The following NAV2 variants were observed in gnomAD, a reference collection of about 807,000 sequenced individuals.
NAV2 encodes helicase, APC down-regulated 1.
NAV2 carries 54 observed loss-of-function variants against 223.2 expected under a neutral mutation model. The observed-to-expected ratio is 0.24, with a 90% CI of 0.19 to 0.30. The LOEUF is 0.30. NAV2 is among the 10% of genes least tolerant of loss of function. NAV2 has a pLI of 1.00. For missense variants in NAV2, 2,806 were observed against 3,147.5 expected, an observed-to-expected ratio of 0.89 and a Z score of 2.60; for synonymous variants, 1,279 against 1,239.3, an observed-to-expected ratio of 1.03 and a Z score of -0.67.
At chr11:19,931,734 C>T (rs2045364717) in intron 6 of NAV2, 1 of 152,212 alleles carries the variant, frequency 6.6e-6, no homozygotes, top group Non-Finnish European at 1.5e-5. Flanking sequence ...AGGGCAGCCT[C>T]TCCGGTTGGA....
intron 3 of NAV2, among the ~76,000 whole-genome samples, chr11:19,859,692 G>A (rs1192102781): frequency 6.6e-6 from 1 of 151,930 alleles, no homozygotes; most frequent in Non-Finnish European, 1.5e-5. Context: ...GGGCAGAGGG[G>A]CTCCTCACTT....
chr11:19,914,338 C>T (rs940675070), intron 6 of NAV2, among the ~76,000 whole-genome samples: 3 of 152,112 alleles, frequency 2.0e-5, no homozygotes, highest in Admixed American at 6.5e-5. Flanking sequence ...GTCTGTTCTG[C>T]CGAAATACTT....
chr11:19,438,636 C>A (rs1851293278), intron 1 of NAV2, among the ~76,000 whole-genome samples: 1 of 152,198 alleles, frequency 6.6e-6, no homozygotes, highest in Admixed American at 6.5e-5. Flanking sequence ...ATTTTCCACA[C>A]CTCCTTCCTT....
At chr11:19,675,798 T>G (rs985528851) in intron 1 of NAV2, among the ~76,000 whole-genome samples, 1 of 152,212 alleles carries the variant, frequency 6.6e-6, no homozygotes, top group Non-Finnish European at 1.5e-5. Context: ...TCGAAACTAA[T>G]TGATATTTGT....
rs115285055 is a variant in NAV2, at chr11:19,694,305, T to C, written c.76-138179T>C. Among the ~76,000 whole-genome samples the C allele has an allele frequency of 1.7e-3, 258 of 152,274 alleles. 1 individual carries two copies. Among genetic ancestry groups the C allele is most frequent in the African/African-American group, 6.1e-3 (253 of 41,560 alleles). On this transcript the variant is annotated intron_variant, in intron 1 of 37. Transcript: ENST00000360655. ...ACTGCAAGGCAAATGAGCTGGGTTT[T>C]CATATACCCACAGGCTGCCCAGGGA...
At chr11:20,082,176 T>C (rs1036273729) in intron 25 of NAV2, among the ~76,000 whole-genome samples, 1 of 152,200 alleles carries the variant, frequency 6.6e-6, no homozygotes, top group Admixed American at 6.5e-5. Context: ...TAAGGAGCTA[T>C]ACAGCCATCC....
intron 1 of NAV2, among the ~76,000 whole-genome samples, chr11:19,657,314 G>T (rs1427624021): frequency 2.0e-5 from 3 of 152,130 alleles, no homozygotes; most frequent in Non-Finnish European, 4.4e-5. Context: ...TACACGTTTT[G>T]CTAGTTTGTA....
At chr11:19,624,345 G>T (rs1181595812) in intron 1 of NAV2, among the ~76,000 whole-genome samples, 1 of 152,124 alleles carries the variant, frequency 6.6e-6, no homozygotes, top group Non-Finnish European at 1.5e-5. Context: ...CTTTTTTTCA[G>T]CTATGCCCTG....
chr11:19,570,511 A>C (rs1196725811), intron 1 of NAV2, among the ~76,000 whole-genome samples: 2 of 152,244 alleles, frequency 1.3e-5, no homozygotes, highest in Non-Finnish European at 2.9e-5. Flanking sequence ...TCAGACTTGG[A>C]GAAAATATTT....
At chr11:19,801,217 C>T (rs904726812) in intron 1 of NAV2, among the ~76,000 whole-genome samples, 8 of 152,238 alleles carry the variant, frequency 5.3e-5, no homozygotes, top group African/African-American at 1.7e-4. Flanking sequence ...AGTTTGGCAA[C>T]AGCAGGACCC....
chr11:20,069,387 A>G (rs2059255433), intron 22 of NAV2, among the ~76,000 whole-genome samples: 8 of 152,170 alleles, frequency 5.3e-5, no homozygotes, highest in Admixed American at 5.2e-4. Context: ...GGGTCAGATC[A>G]CAGTGTCTGA....
chr11:19,906,174 A>G (rs890806311), intron 6 of NAV2, among the ~76,000 whole-genome samples: 4 of 152,140 alleles, frequency 2.6e-5, no homozygotes, highest in African/African-American at 9.7e-5. Context: ...AGAATTCTCT[A>G]CATGGTCTTT....
At chr11:19,890,307 T>C (rs1446707854) in intron 5 of NAV2, among the ~76,000 whole-genome samples, 1 of 152,176 alleles carries the variant, frequency 6.6e-6, no homozygotes, top group Non-Finnish European at 1.5e-5. Flanking sequence ...CTACCTGATT[T>C]AAGGTTGTGT....
intron 1 of NAV2, among the ~76,000 whole-genome samples, chr11:19,363,972 T>G (rs536746737): frequency 5.9e-5 from 9 of 152,336 alleles, no homozygotes; most frequent in Admixed American, 2.0e-4. Context: ...TTCTTCAACC[T>G]GGAAGCTCTC....
intron 1 of NAV2, among the ~76,000 whole-genome samples, chr11:19,430,130 C>G (rs1270924736): frequency 1.3e-5 from 2 of 152,206 alleles, no homozygotes; most frequent in African/African-American, 2.4e-5. Context: ...TTCTTACCCA[C>G]CTGTCCCCTT....
At chr11:19,813,582 G>A (rs1156805458) in intron 1 of NAV2, among the ~76,000 whole-genome samples, 3 of 152,180 alleles carry the variant, frequency 2.0e-5, no homozygotes, top group East Asian at 3.9e-4. Flanking sequence ...CCAGAGGGCC[G>A]CCCAGTGGGT....
chr11:19,456,040 C>G (rs1271517379), intron 1 of NAV2, among the ~76,000 whole-genome samples: 1 of 152,198 alleles, frequency 6.6e-6, no homozygotes, highest in Non-Finnish European at 1.5e-5. Flanking sequence ...GCACTAGCTT[C>G]TTCTGCTATT....
chr11:19,878,712 G>A (rs2063010394), intron 4 of NAV2, among the ~76,000 whole-genome samples: 1 of 152,162 alleles, frequency 6.6e-6, no homozygotes, highest in African/African-American at 2.4e-5. Context: ...ACACTGGGGG[G>A]AAGGCACTGG....
At chr11:19,358,122 A>G (rs2133762671) in intron 1 of NAV2, among the ~76,000 whole-genome samples, 1 of 152,302 alleles carries the variant, frequency 6.6e-6, no homozygotes. Context: ...TCCCATCCTC[A>G]GGGCATTAAT....
Sources: allele counts gnomAD v4.1 joint callset (sites outside exome capture counted in the v4.1 genomes callset), GRCh38; gene constraint gnomAD v4.1.1; transcripts MANE v1.5; gene names NCBI Gene and HGNC (gene_info 2026-07-23, HGNC 2026-07-21).